Variants in SIK3 observed in about 807,000 individuals in gnomAD.
The protein encoded by SIK3 is SIK family kinase 3, also known as serine/threonine-protein kinase SIK3.
A neutral mutation model predicts 144.2 loss-of-function variants in SIK3; 28 were observed. The observed-to-expected ratio is 0.19, with a 90% CI of 0.14 to 0.27. SIK3 has a LOEUF of 0.27. Among genes scored for constraint, SIK3 ranks in the 10% least tolerant of loss-of-function variants. The pLI is 1.00. For missense variants in SIK3, 1,319 were observed against 1,776.0 expected (o/e 0.74, Z 4.62); for synonymous variants, 686 against 676.3 (o/e 1.01, Z -0.22).
At chr11:116,895,477 C>G (rs1405279404) in intron 6 of SIK3, among the ~76,000 whole-genome samples, 1 of 152,216 alleles carries the variant, frequency 6.6e-6, no homozygotes, top group African/African-American at 2.4e-5. Flanking sequence ...CCAAGGTTCA[C>G]CTCTTTGTTC....
rs927185789 is a variant in SIK3, at chr11:116,861,936, A to G, written c.2230-10T>C. On this transcript the variant is annotated splice_polypyrimidine_tract_variant and intron_variant, in intron 17 of 24. Coordinates refer to ENST00000445177, the MANE Select transcript of SIK3 (RefSeq NM_001366686.3). Reference sequence around the variant, plus strand: ...GAGGACAGATAGAGTCCTAAAACATATATGGGGAAAGGAAAAAAATTATTG... The same window carrying G: ...GAGGACAGATAGAGTCCTAAAACATGTATGGGGAAAGGAAAAAAATTATTG... 1 of 1,591,306 alleles carries G rather than the reference A, an allele frequency of 6.3e-7. No individual in the cohort carries two copies.
At chr11:117,051,533 GT>G (rs1436800961) in intron 1 of SIK3, among the ~76,000 whole-genome samples, 2 of 151,434 alleles carry the variant, frequency 1.3e-5, no homozygotes, top group Non-Finnish European at 2.9e-5. Flanking sequence ...TTTTTTCCTT[GT>G]TTTTTGTTTT....
At chr11:116,916,900 T>G (rs1200919791) in intron 4 of SIK3, among the ~76,000 whole-genome samples, 1 of 151,054 alleles carries the variant, frequency 6.6e-6, no homozygotes, top group African/African-American at 2.4e-5. Context: ...AGCTCAGGAG[T>G]TCAAGACCAA....
chr11:117,026,760 T>G (rs570312329), intron 1 of SIK3, among the ~76,000 whole-genome samples: 1 of 152,322 alleles, frequency 6.6e-6, no homozygotes, highest in East Asian at 1.9e-4. Flanking sequence ...GTGCTGGCAA[T>G]TTAGTGCTCT....
intron 1 of SIK3, among the ~76,000 whole-genome samples, chr11:117,056,530 TATATAG>T (rs1423013456): frequency 6.9e-6 from 1 of 143,974 alleles, no homozygotes; most frequent in Admixed American, 7.1e-5. Flanking sequence ...ATAATAAAAA[TATATAG>T]ATAGATATAG....
rs996178164 is a variant in SIK3, at chr11:116,858,768, C to T, written c.2766-69G>A. The T allele has an allele frequency of 7.3e-6, 11 of 1,509,464 alleles. No individual in the cohort carries two copies. Among genetic ancestry groups the T allele is most frequent in the Non-Finnish European group, 8.8e-6 (10 of 1,130,160 alleles). 93.5% of individuals were successfully genotyped at this position (1,509,464 alleles called of 1,614,324 possible). A position where few individuals can be genotyped will look rare whatever the true frequency, so the allele number is the denominator to read the frequency against. On this transcript the variant is annotated intron_variant, in intron 20 of 24. Transcript: ENST00000445177. The surrounding 1 kb of genome is among the most constrained non-coding windows in gnomAD (Gnocchi z 5.4). ...CTAGACTTCCTGGGAACAGCTCCTC[C>T]TCCTCAGTAGGGAGAACCCACTGGT...
intron 4 of SIK3, among the ~76,000 whole-genome samples, chr11:116,917,873 A>AAG (rs370870147): frequency 5.3e-5 from 8 of 151,980 alleles, no homozygotes; most frequent in South Asian, 2.1e-4. Flanking sequence ...AAGGAAAGGG[A>AAG]GAAACAAACA....
At chr11:117,010,776 A>G (rs921366542) in intron 1 of SIK3, among the ~76,000 whole-genome samples, 8 of 152,222 alleles carry the variant, frequency 5.3e-5, no homozygotes, top group Non-Finnish European at 7.3e-5. Context: ...TATGTAAATA[A>G]CATATGTATA....
chr11:117,085,052 G>A (rs1195057498), intron 1 of SIK3, among the ~76,000 whole-genome samples: 1 of 149,942 alleles, frequency 6.7e-6, no homozygotes, highest in Non-Finnish European at 1.5e-5. Flanking sequence ...GTTAACATAG[G>A]TTAAGATATT....
At chr11:117,093,235 C>T (rs932130973) in intron 1 of SIK3, among the ~76,000 whole-genome samples, 10 of 152,232 alleles carry the variant, frequency 6.6e-5, no homozygotes, top group African/African-American at 2.4e-4. Flanking sequence ...GTGAAAGCAT[C>T]ATCTCATGTG....
chr11:116,966,977 C>G (rs1440366627), intron 1 of SIK3, among the ~76,000 whole-genome samples: 6 of 135,634 alleles, frequency 4.4e-5, no homozygotes, highest in Admixed American at 1.6e-4. Flanking sequence ...TGCACTCCAG[C>G]CTGGTGACAG....
Position 116,849,180 on chromosome 11 carries a change from C to T in SIK3, c.3759G>A (p.Glu1253=), listed in dbSNP as rs1942228934. ...TCTGGAGGGCCCGGGGCCTGTGGTGCTCATGGACGGAGGGGCGTGCTGGGT... is the reference window on the plus strand; with the variant it reads ...TCTGGAGGGCCCGGGGCCTGTGGTGTTCATGGACGGAGGGGCGTGCTGGGT... ...LGYPARPSVH[E]HHRPRALQRH... Residue 1253 remains glutamate, a synonymous_variant, in exon 22 of 25, where the codon GAG becomes GAA. Coordinates refer to ENST00000445177, the MANE Select transcript of SIK3 (RefSeq NM_001366686.3). The surrounding 1 kb of genome is among the most constrained non-coding windows in gnomAD (Gnocchi z 4.2). 6.2e-7 allele frequency: 1 copy of T among 1,613,814 alleles called. No individual in the cohort carries two copies. Among genetic ancestry groups the T allele is most frequent in the Non-Finnish European group, 8.5e-7 (1 of 1,179,884 alleles).
At chr11:116,882,230 A>G (rs1393039394) in intron 6 of SIK3, among the ~76,000 whole-genome samples, 2 of 152,226 alleles carry the variant, frequency 1.3e-5, no homozygotes, top group Non-Finnish European at 2.9e-5. Context: ...AGGCAGGGAC[A>G]TGAGAACACT....
intron 1 of SIK3, among the ~76,000 whole-genome samples, chr11:116,983,400 G>A (rs528586540): frequency 6.6e-6 from 1 of 151,504 alleles, no homozygotes; most frequent in Non-Finnish European, 1.5e-5. Flanking sequence ...CATGTTGGAG[G>A]GCGCCTGTAA....
At chr11:117,028,666 G>T (rs1952127543) in intron 1 of SIK3, among the ~76,000 whole-genome samples, 1 of 152,088 alleles carries the variant, frequency 6.6e-6, no homozygotes, top group African/African-American at 2.4e-5. Flanking sequence ...AAGCATAAAG[G>T]CCTGAAAAAC....
At chr11:116,874,100 A>G in intron 11 of SIK3, 44 bp from the exon 12 acceptor site, 1 of 1,604,442 alleles carries the variant, frequency 6.2e-7, no homozygotes. Context: ...TAACATTCTT[A>G]CTCAAAAGTG....
In SIK3 at chr11:116,927,202, C is replaced by T; in HGVS notation, c.616+17G>A. 6.2e-7 allele frequency: 1 copy of T among 1,608,084 alleles called. No homozygotes were observed. The highest frequency in any genetic ancestry group is 2.2e-5 in the East Asian group (1 of 44,816). Reference sequence around the variant, plus strand: ...AGCTCCTTTGTCCCTATCTGACATCCTCAGTACAGTTCTCACCTGCTATTT... The same window carrying T: ...AGCTCCTTTGTCCCTATCTGACATCTTCAGTACAGTTCTCACCTGCTATTT... On this transcript the variant is annotated intron_variant, in intron 4 of 24. Coordinates refer to ENST00000445177, the MANE Select transcript of SIK3 (RefSeq NM_001366686.3).
intron 11 of SIK3, among the ~76,000 whole-genome samples, chr11:116,874,426 T>A (rs1255055217): frequency 1.3e-5 from 2 of 152,202 alleles, no homozygotes; most frequent in African/African-American, 2.4e-5. Context: ...TAGCAACTGA[T>A]TCACCAGGGA....
At chr11:116,883,251 C>A (rs1311264145) in intron 6 of SIK3, among the ~76,000 whole-genome samples, 1 of 152,218 alleles carries the variant, frequency 6.6e-6, no homozygotes, top group Non-Finnish European at 1.5e-5. Flanking sequence ...CTCTTTAATG[C>A]TGCCTGCCTT....
Sources: allele counts gnomAD v4.1 joint callset (sites outside exome capture counted in the v4.1 genomes callset), GRCh38; gene constraint gnomAD v4.1.1; non-coding constraint Gnocchi (gnomAD v3.1); transcripts MANE v1.5; gene names NCBI Gene and HGNC (gene_info 2026-07-23, HGNC 2026-07-21).